Variants in CLCN3 observed in about 807,000 individuals in gnomAD.
The protein encoded by CLCN3 is Cl-/H+ antiporter 3.
Under a neutral mutation model 83.4 loss-of-function variants are expected in CLCN3, and 16 were observed. The observed-to-expected ratio is 0.19, with a 90% CI of 0.13 to 0.29. The LOEUF is 0.29. Ranked by LOEUF, CLCN3 falls within the 10% of genes least tolerant of loss-of-function variation. The pLI is 1.00. For synonymous variants in CLCN3, 322 were observed against 346.2 expected, an observed-to-expected ratio of 0.93 and a Z score of 0.78; for missense variants, 544 against 1,006.0, an observed-to-expected ratio of 0.54 and a Z score of 6.21.
intron 3 of CLCN3, among the ~76,000 whole-genome samples, chr4:169,687,108 T>C (rs1581250308): frequency 6.6e-6 from 1 of 152,220 alleles, no homozygotes; most frequent in East Asian, 1.9e-4. Flanking sequence ...ATAATCCACT[T>C]AACTGCTAGG....
chr4:169,666,718 T>C (rs1210988653), intron 2 of CLCN3, among the ~76,000 whole-genome samples: 1 of 152,212 alleles, frequency 6.6e-6, no homozygotes, highest in Non-Finnish European at 1.5e-5. Flanking sequence ...AATGAAATTA[T>C]TTTAGTGACT....
chr4:169,643,898 G>A (rs1032236262), intron 2 of CLCN3, among the ~76,000 whole-genome samples: 1 of 152,092 alleles, frequency 6.6e-6, no homozygotes, highest in Admixed American at 6.5e-5. Flanking sequence ...ACAATATACT[G>A]TCAGTTGTTT....
intron 7 of CLCN3, among the ~76,000 whole-genome samples, chr4:169,693,652 G>A (rs149542629): frequency 1.3e-5 from 2 of 152,282 alleles, no homozygotes; most frequent in East Asian, 1.9e-4. Context: ...ATCCTGTAGC[G>A]TAGCAAGTTA....
chr4:169,657,516 ACTT>A (rs957849027), intron 2 of CLCN3, among the ~76,000 whole-genome samples: 128 of 152,308 alleles, frequency 8.4e-4, no homozygotes, highest in African/African-American at 3.0e-3. Flanking sequence ...AAATTTAAGT[ACTT>A]CTAATATTGT....
chr4:169,697,640 G>A lies in CLCN3; in HGVS notation c.1469G>A (p.Arg490His), dbSNP rs553052405. The A allele has an allele frequency of 6.2e-6, 10 of 1,613,824 alleles. No individual in the cohort carries two copies. Among genetic ancestry groups the A allele is most frequent in the South Asian group, 1.1e-5 (1 of 91,070 alleles). ...ASKIVDDIPD[R>H]PAGIGVYSAI... ...AAAATTGTCGATGACATTCCTGATC[G>A]TCCAGCAGGCATTGGAGTATATTCA... is the stretch of plus-strand genomic sequence containing the variant. Residue 490 changes from arginine to histidine, a missense_variant, in exon 9 of 13, where the codon CGT (arginine) becomes CAT (histidine). Coordinates refer to ENST00000513761, the MANE Select transcript of CLCN3 (RefSeq NM_001829.4).
intron 8 of CLCN3, among the ~76,000 whole-genome samples, chr4:169,695,940 A>G (rs1416178781): frequency 6.6e-6 from 1 of 152,234 alleles, no homozygotes. Context: ...CTTTGTTGAC[A>G]TATTTAAAAG....
intron 2 of CLCN3, among the ~76,000 whole-genome samples, chr4:169,658,279 A>G (rs950211346): frequency 6.6e-6 from 1 of 151,728 alleles, no homozygotes; most frequent in African/African-American, 2.4e-5. Context: ...CTTTAAAAAT[A>G]ATTCAAATAT....
intron 3 of CLCN3, among the ~76,000 whole-genome samples, chr4:169,686,918 G>A (rs1157089084): frequency 1.3e-5 from 2 of 152,108 alleles, no homozygotes; most frequent in African/African-American, 4.8e-5. Context: ...GGACACTTTT[G>A]CCTTACACAG....
At chr4:169,632,742 A>AT (rs1438046918) in intron 1 of CLCN3, among the ~76,000 whole-genome samples, 2 of 147,870 alleles carry the variant, frequency 1.4e-5, no homozygotes, top group Non-Finnish European at 3.0e-5. Context: ...AAAAAAAAAA[A>AT]GTGCTGGGGA....
At position 169,657,269 on chromosome 4, in the gene CLCN3, A is replaced by G. The variant is rs544678801; in HGVS notation, c.160+21181A>G. Among the ~76,000 whole-genome samples, 47 of 152,244 alleles carry G rather than the reference A, an allele frequency of 3.1e-4. 1 individual carries two copies. The South Asian group carries it at 9.7e-3, about 32-fold the overall frequency. ...CCATTTCCCCAATTGTTTCTTAAAA[A>G]ATTGTATTGCTGTATCTTTTAAGTC... On this transcript the variant is annotated intron_variant, in intron 2 of 12. Coordinates refer to ENST00000513761, the MANE Select transcript of CLCN3 (RefSeq NM_001829.4).
chr4:169,714,231 G>A (rs918972612), intron 12 of CLCN3, among the ~76,000 whole-genome samples: 2 of 151,698 alleles, frequency 1.3e-5, no homozygotes, highest in Non-Finnish European at 2.9e-5. Flanking sequence ...GGCTAATCCT[G>A]AACAGCGTAA....
chr4:169,693,974 G>T (rs538590400), intron 7 of CLCN3, among the ~76,000 whole-genome samples: 3 of 152,094 alleles, frequency 2.0e-5, no homozygotes, highest in Non-Finnish European at 4.4e-5. Context: ...TAAATTAAAT[G>T]CTTCTTAGAT....
intron 7 of CLCN3, among the ~76,000 whole-genome samples, chr4:169,694,352 C>G (rs6852201): frequency 6.6e-6 from 1 of 151,964 alleles, no homozygotes; most frequent in African/African-American, 2.4e-5. Flanking sequence ...GTTATCTACC[C>G]ATAGCCATAC....
chr4:169,690,504 A>G (rs776636704), intron 5 of CLCN3, 26 bp from the exon 6 acceptor site: 19 of 1,596,588 alleles, frequency 1.2e-5, no homozygotes, highest in Non-Finnish European at 1.5e-5. Flanking sequence ...AATTAAATTC[A>G]TACTCTCGAA....
intron 12 of CLCN3, chr4:169,717,707 T>A: frequency 3.6e-6 from 3 of 840,714 alleles, no homozygotes; most frequent in South Asian, 3.6e-5. Flanking sequence ...ATGTTTTTAT[T>A]TTTTCTCTCA....
intron 1 of CLCN3, among the ~76,000 whole-genome samples, chr4:169,633,385 TTATAAG>T (rs1444859497): frequency 3.3e-5 from 5 of 152,236 alleles, no homozygotes; most frequent in Non-Finnish European, 2.9e-5. Flanking sequence ...TTTGAAATGA[TTATAAG>T]TATATTTTTG....
intron 1 of CLCN3, among the ~76,000 whole-genome samples, chr4:169,628,329 A>G (rs994785966): frequency 6.6e-6 from 1 of 152,186 alleles, no homozygotes; most frequent in Non-Finnish European, 1.5e-5. Context: ...AAAATTAAGT[A>G]TTTTTGCTCT....
intron 3 of CLCN3, among the ~76,000 whole-genome samples, chr4:169,682,985 C>T (rs1349613247): frequency 6.6e-6 from 1 of 152,204 alleles, no homozygotes; most frequent in Non-Finnish European, 1.5e-5. Context: ...GTAGACCGTA[C>T]TTTGAAAATC....
chr4:169,659,160 TG>T lies in CLCN3; in HGVS notation c.161-20889del, dbSNP rs566008700. On this transcript the variant is annotated intron_variant, in intron 2 of 12. Coordinates refer to ENST00000513761, the MANE Select transcript of CLCN3 (RefSeq NM_001829.4). ...AATGAACAACACCTTTTGTTGTTGT[TG>T]TTGTTTAGTGACACTGTGTAACAGG... Among the ~76,000 whole-genome samples, 942 of 152,288 alleles carry T rather than the reference TG, an allele frequency of 6.2e-3. 11 individuals are homozygous for T. Among genetic ancestry groups the T allele is most frequent in the African/African-American group, 0.021 (867 of 41,572 alleles).
Sources: gnomAD v4.1 joint callset for allele counts (sites outside exome capture counted in the v4.1 genomes callset) on GRCh38, gnomAD v4.1.1 for gene constraint, MANE v1.5 for transcripts, NCBI Gene and HGNC (gene_info 2026-07-23, HGNC 2026-07-21) for gene names.